THOC2: variants seen among roughly 807,000 people sequenced by gnomAD.
The protein encoded by THOC2 is THO complex 2.
In THOC2, 10 loss-of-function variants were observed where a neutral mutation model predicts 128.4. The ratio of observed to expected loss-of-function variants is 0.08; its 90% confidence interval spans 0.05 to 0.13. THOC2 has a LOEUF of 0.13. THOC2 is among the 10% of genes least tolerant of loss of function. The pLI is 1.00. For missense variants in THOC2, 535 were observed against 1,155.7 expected (o/e 0.46, Z 7.79); for synonymous variants, 393 against 396.9 (o/e 0.99, Z 0.12).
chrX:123,697,459 T>A lies in THOC2; in HGVS notation c.345+222A>T, dbSNP rs956373. 7.8e-3 allele frequency among the ~76,000 whole-genome samples: 880 copies of A among 112,135 alleles called. 6 individuals carry two copies. Among genetic ancestry groups the A allele is most frequent in the African/African-American group, 0.027 (821 of 30,934 alleles). ...ACTAGGTCAGGAATATCACCAAAGG[T>A]TTTAAATGTATAGATAGTTTAAGTG... On this transcript the variant is annotated intron_variant, in intron 5 of 38. Transcript: ENST00000245838.
At position 123,723,469 on chromosome X, in the gene THOC2, T is replaced by C. The variant is rs145578368; in HGVS notation, c.71+9483A>G. Among the ~76,000 whole-genome samples, 641 of 111,401 alleles carry C rather than the reference T, an allele frequency of 5.8e-3. 4 individuals carry two copies. Among genetic ancestry groups the C allele is most frequent in the Middle Eastern group, 0.023 (5 of 216 alleles). ...CACATGCTTGTATACACCAAAACTG[T>C]TGTATAATAATGTTTCTATTGGCAC... is the stretch of plus-strand genomic sequence containing the variant. On this transcript the variant is annotated intron_variant, in intron 1 of 38. Transcript: ENST00000245838.
At chrX:123,603,506 T>C in intron 38 of THOC2, 1 of 628,037 alleles carries the variant, frequency 1.6e-6, no homozygotes, top group East Asian at 3.5e-5. Context: ...AAAAAATGTA[T>C]ACACAGGGAC....
intron 12 of THOC2, among the ~76,000 whole-genome samples, chrX:123,662,071 A>G: frequency 8.9e-6 from 1 of 112,365 alleles, no homozygotes; most frequent in East Asian, 2.8e-4. Flanking sequence ...ATTAATACAC[A>G]ATAGCCGTTA....
At chrX:123,670,161 C>T (rs2049213327) in intron 9 of THOC2, among the ~76,000 whole-genome samples, 2 of 112,198 alleles carry the variant, frequency 1.8e-5, no homozygotes, top group South Asian at 7.4e-4. Flanking sequence ...ACTAATATGG[C>T]TCTCCACTCC....
At chrX:123,707,117 T>C (rs1380065088) in intron 2 of THOC2, among the ~76,000 whole-genome samples, 168 bp from the exon 3 acceptor site, 1 of 111,825 alleles carries the variant, frequency 8.9e-6, no homozygotes, top group Non-Finnish European at 1.9e-5. Flanking sequence ...AAACACAAAA[T>C]TAAAAGGTTA....
intron 1 of THOC2, among the ~76,000 whole-genome samples, chrX:123,718,463 A>C (rs995955123): frequency 5.3e-4 from 60 of 112,273 alleles, no homozygotes; most frequent in African/African-American, 1.9e-3. Flanking sequence ...AAACAAAAAA[A>C]GTTTCTACAC....
chrX:123,653,919 G>A (rs913189613), intron 12 of THOC2, among the ~76,000 whole-genome samples: 4 of 111,805 alleles, frequency 3.6e-5, no homozygotes, highest in Admixed American at 1.9e-4. Context: ...ATACCCAGAG[G>A]ATTATAAATC....
At chrX:123,727,415 T>C (rs1371989205) in intron 1 of THOC2, among the ~76,000 whole-genome samples, 4 of 111,137 alleles carry the variant, frequency 3.6e-5, no homozygotes, top group Admixed American at 1.9e-4. Context: ...TGTCTTACTA[T>C]ACACCTGCCT....
intron 8 of THOC2, among the ~76,000 whole-genome samples, chrX:123,684,911 T>TC (rs997622127): frequency 8.9e-6 from 1 of 111,949 alleles, no homozygotes; most frequent in African/African-American, 3.2e-5. Flanking sequence ...GACCTCACAC[T>TC]CCAAGAGTAT....
At chrX:123,631,659 T>C in intron 22 of THOC2, 29 bp downstream of exon 22, 8 of 1,198,277 alleles carry the variant, frequency 6.7e-6, no homozygotes, top group Non-Finnish European at 9.0e-6. Flanking sequence ...GGATCGTTCT[T>C]GAGCGGCAGC....
intron 12 of THOC2, among the ~76,000 whole-genome samples, chrX:123,659,999 T>C (rs746631024): frequency 1.7e-4 from 19 of 111,981 alleles, no homozygotes; most frequent in South Asian, 3.7e-4. Context: ...TGGGTAAAAA[T>C]AGATCAAAAT....
At chrX:123,674,448 A>G (rs924445959) in intron 8 of THOC2, among the ~76,000 whole-genome samples, 2 of 112,143 alleles carry the variant, frequency 1.8e-5, no homozygotes, top group Non-Finnish European at 3.8e-5. Context: ...AGCTATTTGT[A>G]TCTCTAAATC....
Position 123,605,396 on chromosome X carries a change from A to AT in THOC2, c.*19-4059dup, listed in dbSNP as rs773387802. Among the ~76,000 whole-genome samples the AT allele has an allele frequency of 3.7e-3, 414 of 111,419 alleles. 2 individuals are homozygous for AT. Among genetic ancestry groups the AT allele is most frequent in the African/African-American group, 0.013 (388 of 30,702 alleles). On this transcript the variant is annotated intron_variant, in intron 38 of 38. Transcript: ENST00000245838. ...TCAGTGCACAAAACCTATACTCAGT[A>AT]TTTTTTTTAAGTATAAAAGTTGATA...
intron 2 of THOC2, among the ~76,000 whole-genome samples, chrX:123,709,663 A>T (rs995863792): frequency 3.6e-5 from 4 of 111,705 alleles, no homozygotes; most frequent in African/African-American, 1.3e-4. Flanking sequence ...TGAAGACACC[A>T]GTTCTTGGTT....
At chrX:123,642,435 A>G (rs898517511) in intron 15 of THOC2, among the ~76,000 whole-genome samples, 6 of 110,427 alleles carry the variant, frequency 5.4e-5, no homozygotes, top group African/African-American at 1.6e-4. Flanking sequence ...CTCCCAAAAA[A>G]AAAAAAAAAA....
chrX:123,715,844 T>TA (rs1325629087), intron 1 of THOC2, among the ~76,000 whole-genome samples: 2 of 109,274 alleles, frequency 1.8e-5, no homozygotes, highest in Non-Finnish European at 3.8e-5. Context: ...GAGTTTTTTT[T>TA]AAAAAAAGAT....
At chrX:123,663,943 T>C (rs936071382) in intron 12 of THOC2, among the ~76,000 whole-genome samples, 1 of 111,695 alleles carries the variant, frequency 9.0e-6, no homozygotes, top group African/African-American at 3.3e-5. Flanking sequence ...GCAAAGGACA[T>C]GAACTCATCC....
chrX:123,668,143 AGAAT>A lies in THOC2; in HGVS notation c.1017+12_1017+15del. The A allele has an allele frequency of 8.9e-7, 1 of 1,122,860 alleles. No individual in the cohort carries two copies. Among genetic ancestry groups the A allele is most frequent in the Non-Finnish European group, 1.2e-6 (1 of 837,671 alleles). The allele number at this position is 1,122,860 out of a possible 1,213,427, so 92.5% of individuals were successfully genotyped here. A position where few individuals can be genotyped will look rare whatever the true frequency, so the allele number is the denominator to read the frequency against. ...TCCAGAAGATAGTGTTAATTTTACT[AGAAT>A]GAATTACATACTTTCTCTACTTTCT... On this transcript the variant is annotated intron_variant, in intron 10 of 38. Transcript: ENST00000245838.
intron 15 of THOC2, 83 bp from the exon 16 acceptor site, chrX:123,640,705 G>A (rs2047879441): frequency 3.9e-6 from 2 of 515,452 alleles, no homozygotes; most frequent in East Asian, 7.6e-5. Flanking sequence ...TCATCGTGGG[G>A]GAAAAAGCAA....
Sources: gnomAD v4.1 joint callset for allele counts (sites outside exome capture counted in the v4.1 genomes callset) on GRCh38, gnomAD v4.1.1 for gene constraint, MANE v1.5 for transcripts, NCBI Gene and HGNC (gene_info 2026-07-23, HGNC 2026-07-21) for gene names.